RFX7: variants seen among roughly 807,000 people sequenced by gnomAD.
The protein encoded by RFX7 is DNA-binding protein RFX7.
Under a neutral mutation model 111.8 loss-of-function variants are expected in RFX7, and 26 were observed. The ratio of observed to expected loss-of-function variants is 0.23; its 90% confidence interval spans 0.17 to 0.32. The LOEUF (loss-of-function observed/expected upper bound fraction) is 0.32, where lower values mean the gene tolerates loss of function less well. Ranked by LOEUF, RFX7 falls within the 10% of genes least tolerant of loss-of-function variation. The pLI is 1.00. For synonymous variants in RFX7, 624 were observed against 624.4 expected, an observed-to-expected ratio of 1.00 and a Z score of 0.01; for missense variants, 1,573 against 1,772.9, an observed-to-expected ratio of 0.89 and a Z score of 2.02.
At chr15:56,115,580 G>T (rs1156449666) in intron 5 of RFX7, among the ~76,000 whole-genome samples, 1 of 152,100 alleles carries the variant, frequency 6.6e-6, no homozygotes, top group African/African-American at 2.4e-5. Flanking sequence ...TCTACATATA[G>T]TATGAGCTCT....
intron 2 of RFX7, among the ~76,000 whole-genome samples, chr15:56,241,784 T>TATTG (rs1466385053): frequency 6.6e-6 from 1 of 152,168 alleles, no homozygotes; most frequent in Non-Finnish European, 1.5e-5. Flanking sequence ...ACAACATGAC[T>TATTG]ATTGTCAAAG....
chr15:56,141,886 G>T (rs750532848), intron 5 of RFX7, among the ~76,000 whole-genome samples: 5 of 151,664 alleles, frequency 3.3e-5, no homozygotes, highest in Non-Finnish European at 5.9e-5. Context: ...GATCATTTCA[G>T]ATATTTTTAT....
At chr15:56,244,875 C>G (rs2043809415), upstream of RFX7, among the ~76,000 whole-genome samples, 1 of 151,720 alleles carries the variant, frequency 6.6e-6, no homozygotes, top group African/African-American at 2.4e-5. Context: ...AGTCAGTCTC[C>G]TTTAAGAGCA....
rs772415314 is a variant in RFX7, at chr15:56,093,454, T to C, written c.4274A>G (p.Asn1425Ser). ...DDEATLEELK[N>S]DPLFQQICSE... ...GCAAATTTGTTGAAATAATGGGTCA[T>C]TCTTTAATTCTTCCAGTGTAGCTTC... Residue 1425 changes from asparagine (N) to serine (S), a missense_variant, in exon 10 of 10, where the codon AAT becomes AGT. This residue lies in a region of RFX7 where 411 missense variants were observed against 478.1 expected (regional missense o/e 0.86). Transcript: ENST00000559447. 5.2e-5 allele frequency: 84 copies of C among 1,613,736 alleles called. No individual in the cohort carries two copies. Among genetic ancestry groups the C allele is most frequent in the Non-Finnish European group, 6.5e-5 (77 of 1,179,812 alleles).
At chr15:56,125,606 T>A (rs1567017934) in intron 5 of RFX7, among the ~76,000 whole-genome samples, 1 of 87,386 alleles carries the variant, frequency 1.1e-5, no homozygotes, top group Non-Finnish European at 2.3e-5. Flanking sequence ...CTTCTGTGTG[T>A]GTGAGTGTGT....
At chr15:56,131,005 C>T (rs1468549938) in intron 5 of RFX7, among the ~76,000 whole-genome samples, 2 of 151,912 alleles carry the variant, frequency 1.3e-5, no homozygotes, top group African/African-American at 4.8e-5. Flanking sequence ...TAAATAAGTC[C>T]CATGCTATAT....
intron 3 of RFX7, among the ~76,000 whole-genome samples, chr15:56,150,883 G>C (rs1205229077): frequency 6.6e-6 from 1 of 152,118 alleles, no homozygotes; most frequent in Non-Finnish European, 1.5e-5. Flanking sequence ...ATGACCTGAT[G>C]GAGCTGAAAA....
intron 2 of RFX7, among the ~76,000 whole-genome samples, chr15:56,237,032 T>C (rs2043631537): frequency 6.6e-6 from 1 of 151,904 alleles, no homozygotes. Flanking sequence ...ATCCTAATAA[T>C]TCATCCAATG....
At chr15:56,217,434 T>C (rs538984520) in intron 2 of RFX7, among the ~76,000 whole-genome samples, 58 of 150,700 alleles carry the variant, frequency 3.8e-4, no homozygotes, top group African/African-American at 4.6e-4. Flanking sequence ...TTTTTTTTTT[T>C]CTACAATACT....
intron 2 of RFX7, among the ~76,000 whole-genome samples, chr15:56,234,049 G>C (rs543200743): frequency 2.0e-5 from 3 of 152,184 alleles, no homozygotes; most frequent in African/African-American, 7.2e-5. Context: ...ATACTGTTAA[G>C]TGTGTTTGGA....
intron 3 of RFX7, among the ~76,000 whole-genome samples, chr15:56,159,352 G>A (rs989147329): frequency 6.6e-6 from 1 of 152,158 alleles, no homozygotes; most frequent in Admixed American, 6.5e-5. Flanking sequence ...ATTTCGCCTG[G>A]TAATCTCCAC....
In RFX7 at chr15:56,096,988, A is replaced by G. The variant is rs532268629; in HGVS notation, c.1108-368T>C. 4.6e-5 allele frequency among the ~76,000 whole-genome samples: 7 copies of G among 152,314 alleles called. No individual in the cohort carries two copies. The South Asian group carries it at 1.2e-3, about 27-fold the overall frequency. On this transcript the variant is annotated intron_variant, in intron 9 of 9. Transcript: ENST00000559447. ...AGGTTACCTACCAGAATCTATGCTA[A>G]GATGGCTCACTCATAGGGGAAACTG... is the stretch of plus-strand genomic sequence containing the variant.
intron 5 of RFX7, among the ~76,000 whole-genome samples, chr15:56,140,880 T>C (rs537583179): frequency 1.3e-5 from 2 of 152,332 alleles, no homozygotes; most frequent in East Asian, 1.9e-4. Flanking sequence ...CTTTTAGGAA[T>C]ATAAGGACTG....
At chr15:56,190,492 T>G (rs2043088982) in intron 2 of RFX7, among the ~76,000 whole-genome samples, 1 of 152,222 alleles carries the variant, frequency 6.6e-6, no homozygotes, top group Non-Finnish European at 1.5e-5. Context: ...CATTCTATCT[T>G]CAGAACTCTT....
chr15:56,138,301 G>T (rs1248333917), intron 5 of RFX7, among the ~76,000 whole-genome samples: 2 of 149,182 alleles, frequency 1.3e-5, no homozygotes, highest in Non-Finnish European at 3.0e-5. Context: ...GGGTGCTCTT[G>T]TATTGGGTGC....
intron 5 of RFX7, among the ~76,000 whole-genome samples, chr15:56,141,020 T>C (rs2042385117): frequency 6.6e-6 from 1 of 152,208 alleles, no homozygotes; most frequent in African/African-American, 2.4e-5. Flanking sequence ...ATTAGTCTGT[T>C]ATGGAATTGT....
chr15:56,129,875 T>C (rs2042190515), intron 5 of RFX7, among the ~76,000 whole-genome samples: 1 of 152,172 alleles, frequency 6.6e-6, no homozygotes, highest in African/African-American at 2.4e-5. Flanking sequence ...TTTTTGGCCA[T>C]GGTACATGTG....
intron 3 of RFX7, among the ~76,000 whole-genome samples, chr15:56,166,234 T>C (rs549544013): frequency 1.3e-5 from 2 of 152,364 alleles, no homozygotes; most frequent in South Asian, 2.1e-4. Flanking sequence ...TAGGATTGCG[T>C]TGAATTACTG....
intron 3 of RFX7, among the ~76,000 whole-genome samples, chr15:56,165,023 G>C (rs1391136969): frequency 6.6e-6 from 1 of 152,180 alleles, no homozygotes; most frequent in African/African-American, 2.4e-5. Flanking sequence ...GTTTTGGGAC[G>C]TAACTGTTCC....
Sources: allele counts gnomAD v4.1 joint callset (sites outside exome capture counted in the v4.1 genomes callset), GRCh38; gene constraint gnomAD v4.1.1; regional missense constraint gnomAD v4.1.1; transcripts MANE v1.5; gene names NCBI Gene and HGNC (gene_info 2026-07-23, HGNC 2026-07-21).